The following RUFY1 variants were observed in gnomAD, a reference collection of about 807,000 sequenced individuals.
The protein encoded by RUFY1 is RUN and FYVE domain containing 1.
Under a neutral mutation model 94.6 loss-of-function variants are expected in RUFY1, and 54 were observed. The ratio of observed to expected loss-of-function variants is 0.57; its 90% CI spans 0.46 to 0.72. The LOEUF (loss-of-function observed/expected upper bound fraction) is 0.72. Among genes scored for constraint, RUFY1 ranks in the 30% least tolerant of loss-of-function variants. The probability of loss-of-function intolerance (pLI) is 0.00; values close to 1 mark genes in which losing one functional copy is unlikely to be tolerated. For synonymous variants in RUFY1, 396 were observed against 347.3 expected, an observed-to-expected ratio of 1.14 and a Z score of -1.56; for missense variants, 883 against 883.9, an observed-to-expected ratio of 1.00 and a Z score of 0.01.
chr5:179,606,200 A>C, intron 16 of RUFY1: 1 of 517,806 alleles, frequency 1.9e-6, no homozygotes, highest in Non-Finnish European at 3.4e-6. Flanking sequence ...CCTAAGGGGG[A>C]AGCAGGTGGC....
intron 2 of RUFY1, 116 bp downstream of exon 2, chr5:179,560,314 AG>A (rs1762341963): frequency 7.6e-7 from 1 of 1,314,656 alleles, no homozygotes; most frequent in Non-Finnish European, 1.0e-6. Flanking sequence ...TGTACAGAAC[AG>A]GCAAGGTTCC....
intron 3 of RUFY1, among the ~76,000 whole-genome samples, chr5:179,565,159 G>GTT (rs1762743237): frequency 7.7e-6 from 1 of 129,330 alleles, no homozygotes; most frequent in African/African-American, 3.0e-5. Context: ...TACTTTCTAG[G>GTT]TTTTCTTTTT....
At chr5:179,559,892 C>G in intron 1 of RUFY1, 133 bp from the exon 2 acceptor site, 1 of 1,431,190 alleles carries the variant, frequency 7.0e-7, no homozygotes, top group Non-Finnish European at 9.1e-7. Flanking sequence ...TCCCGGTTGC[C>G]CGCCCGCCAG....
chr5:179,561,449 A>T (rs1762446148), intron 2 of RUFY1, among the ~76,000 whole-genome samples: 1 of 151,890 alleles, frequency 6.6e-6, no homozygotes, highest in Non-Finnish European at 1.5e-5. Context: ...TCCTAAAGGG[A>T]GAAATGTGTC....
intron 4 of RUFY1, 113 bp from the exon 5 acceptor site, chr5:179,569,189 C>T: frequency 9.5e-6 from 15 of 1,577,742 alleles, no homozygotes; most frequent in Non-Finnish European, 1.2e-5. Context: ...AGGAAATCCA[C>T]AGCAGTATCT....
intron 5 of RUFY1, among the ~76,000 whole-genome samples, chr5:179,574,536 C>CT (rs1222968727): frequency 6.6e-6 from 1 of 152,134 alleles, no homozygotes; most frequent in Non-Finnish European, 1.5e-5. Context: ...ACCCTTATGC[C>CT]TTTTTTGGTC....
chr5:179,592,652 C>T (rs1044170466), intron 10 of RUFY1, among the ~76,000 whole-genome samples: 8 of 152,204 alleles, frequency 5.3e-5, no homozygotes, highest in African/African-American at 1.9e-4. Context: ...TATTTCCACT[C>T]AACCTGTGCA....
chr5:179,579,326 T>C (rs757231567), intron 6 of RUFY1, among the ~76,000 whole-genome samples: 1 of 152,160 alleles, frequency 6.6e-6, no homozygotes, highest in African/African-American at 2.4e-5. Context: ...AAATATATTC[T>C]TTTTTCTTTT....
rs73809481 is a variant in RUFY1 at position 179,588,397 on chromosome 5, A to G, written c.1027-1149A>G. Among the ~76,000 whole-genome samples the G allele has an allele frequency of 9.1e-3, 1,387 of 152,066 alleles. 24 individuals are homozygous for G. The highest frequency in any genetic ancestry group is 0.03 in the African/African-American group (1,238 of 41,464). On this transcript the variant is annotated intron_variant, in intron 8 of 17. Transcript: ENST00000319449. ...TGTGATGAGGCTGGAATGAGGAGGG[A>G]TGGGTTGGTGTGTTTACTCATCTGC...
At chr5:179,570,692 C>T (rs749819412) in intron 5 of RUFY1, among the ~76,000 whole-genome samples, 1 of 152,134 alleles carries the variant, frequency 6.6e-6, no homozygotes, top group Non-Finnish European at 1.5e-5. Context: ...AAATTCCCAG[C>T]CTTTTTCCTG....
intron 14 of RUFY1, chr5:179,599,342 G>C (rs545039681): frequency 6.5e-6 from 1 of 152,932 alleles, no homozygotes; most frequent in African/African-American, 2.4e-5. Flanking sequence ...TGGAGAGTGG[G>C]TGGTAGGCTC....
intron 17 of RUFY1, chr5:179,608,630 C>T: frequency 1.0e-6 from 1 of 985,356 alleles, no homozygotes; most frequent in Non-Finnish European, 1.2e-6. Flanking sequence ...AACTTTTTGT[C>T]TTAAAAACAC....
At chr5:179,564,673 CA>C (rs11318450) in intron 3 of RUFY1, among the ~76,000 whole-genome samples, 60,413 of 136,228 alleles carry the variant, frequency 0.44, 12,608 homozygotes, top group East Asian at 0.73. Context: ...GACTCCATCT[CA>C]AAAAAAAAAA....
chr5:179,563,629 A>G lies in RUFY1; in HGVS notation c.602+965A>G, dbSNP rs754593939. Among the ~76,000 whole-genome samples the G allele has an allele frequency of 5.3e-5, 8 of 152,282 alleles. No homozygotes were observed. In the East Asian group the frequency reaches 1.2e-3, roughly 22 times the overall value. On this transcript the variant is annotated intron_variant, in intron 3 of 17. Transcript: ENST00000319449. ...TCTGCCTGCCCGGCCTACATCGCTT[A>G]TATTTAAAGCCTTTTGCACCTGCCA...
At chr5:179,586,774 G>A (rs1238451846) in intron 8 of RUFY1, among the ~76,000 whole-genome samples, 1 of 152,168 alleles carries the variant, frequency 6.6e-6, no homozygotes. Context: ...CTTAGGATTG[G>A]AGGCTTCACA....
intron 9 of RUFY1, among the ~76,000 whole-genome samples, chr5:179,591,384 C>T (rs1373262620): frequency 1.3e-5 from 2 of 151,892 alleles, no homozygotes; most frequent in Non-Finnish European, 2.9e-5. Flanking sequence ...CGGGGTTTCA[C>T]CATGTTAGCC....
intron 6 of RUFY1, 46 bp from the exon 7 acceptor site, chr5:179,580,901 A>G: frequency 2.9e-6 from 3 of 1,042,898 alleles, no homozygotes; most frequent in Non-Finnish European, 4.4e-6. Flanking sequence ...CAAAGTATTA[A>G]CCATTAATAA....
chr5:179,584,767 CAAAA>C (rs982101270), intron 7 of RUFY1, among the ~76,000 whole-genome samples: 22 of 105,894 alleles, frequency 2.1e-4, no homozygotes, highest in Middle Eastern at 4.5e-3. Context: ...GTTTCAAAAA[CAAAA>C]AAAAACAAAA....
In RUFY1 at chr5:179,598,562, G is replaced by A. The variant is rs527634486; in HGVS notation, c.1632-130G>A. On this transcript the variant is annotated intron_variant, in intron 13 of 17. Coordinates refer to ENST00000319449, the MANE Select transcript of RUFY1 (RefSeq NM_025158.5). The stretch of plus-strand genomic sequence containing the variant: ...AGGTGACCCTGGAGGAGAGGGAAGC[G>A]TTGCCGAAGGCTTTAGATGCTCAAG... The A allele has an allele frequency of 1.5e-3, 1,516 of 1,034,594 alleles. 3 individuals are homozygous for A. The highest frequency in any genetic ancestry group is 1.9e-3 in the Non-Finnish European group (1,307 of 688,334). The allele number at this position is 1,034,594 out of a possible 1,614,324, so 64.1% of individuals were successfully genotyped here.
Sources: gnomAD v4.1 joint callset for allele counts (sites outside exome capture counted in the v4.1 genomes callset) on GRCh38, gnomAD v4.1.1 for gene constraint, MANE v1.5 for transcripts, NCBI Gene and HGNC (gene_info 2026-07-23, HGNC 2026-07-21) for gene names.